The following CDYL variants were observed in gnomAD, a reference collection of about 807,000 sequenced individuals.
CDYL encodes chromodomain Y-like protein.
A neutral mutation model predicts 47.3 loss-of-function variants in CDYL; 8 were observed. The ratio of observed to expected loss-of-function variants is 0.17; its 90% CI spans 0.10 to 0.31. The LOEUF (loss-of-function observed/expected upper bound fraction) is 0.31. Ranked by LOEUF, CDYL falls within the 10% of genes least tolerant of loss-of-function variation. The probability of loss-of-function intolerance (pLI) is 1.00; values close to 1 mark genes in which losing one functional copy is unlikely to be tolerated. For missense variants in CDYL, 471 were observed against 701.4 expected, an observed-to-expected ratio of 0.67 and a Z score of 3.71; for synonymous variants, 266 against 265.0, an observed-to-expected ratio of 1.00 and a Z score of -0.04.
chr6:4,794,671 G>C (rs866732026), intron 1 of CDYL, among the ~76,000 whole-genome samples: 2 of 152,302 alleles, frequency 1.3e-5, no homozygotes, highest in South Asian at 2.1e-4. Context: ...AGAGCATGGG[G>C]TGCATGTCCC....
chr6:4,778,506 T>A (rs910834142), intron 1 of CDYL, among the ~76,000 whole-genome samples: 1 of 152,208 alleles, frequency 6.6e-6, no homozygotes, highest in South Asian at 2.1e-4. Context: ...AAGTTTGTGT[T>A]CATTTAACGT....
At chr6:4,884,582 C>G (rs1049991976) in intron 1 of CDYL, among the ~76,000 whole-genome samples, 1 of 152,126 alleles carries the variant, frequency 6.6e-6, no homozygotes, top group African/African-American at 2.4e-5. Flanking sequence ...AGAGTGAGCG[C>G]ATTTGTGGTG....
At chr6:4,936,397 A>G (rs780129603) in intron 3 of CDYL, among the ~76,000 whole-genome samples, 48 of 152,284 alleles carry the variant, frequency 3.2e-4, no homozygotes, top group Non-Finnish European at 6.0e-4. Flanking sequence ...AACCTAACCT[A>G]TATCTTTCCA....
chr6:4,909,064 G>A (rs536080653), intron 2 of CDYL, among the ~76,000 whole-genome samples: 1 of 152,322 alleles, frequency 6.6e-6, no homozygotes, highest in East Asian at 1.9e-4. Flanking sequence ...GCCTTGGGGG[G>A]CCCCAGGTCA....
intron 1 of CDYL, among the ~76,000 whole-genome samples, chr6:4,794,071 T>TG: frequency 6.6e-6 from 1 of 152,220 alleles, no homozygotes. Flanking sequence ...GAGTTATCCA[T>TG]GTAGTACACT....
Position 4,769,965 on chromosome 6 carries a change from T to TTGTGTGTGTG in CDYL, c.186+35157_186+35166dup, listed in dbSNP as rs58041362. On this transcript the variant is annotated intron_variant, in intron 3 of 8. Coordinates refer to the CDYL transcript ENST00000328908. Reference sequence around the variant, plus strand: ...GCGACCGCCACCACGCCCGGCTAATTTGTGTGTGTGTGTGTGTGTGTGTGT... The same window carrying TTGTGTGTGTG: ...GCGACCGCCACCACGCCCGGCTAATTTGTGTGTGTGTGTGTGTGTGTGTGTGTGTGTGTGT... 3.6e-3 allele frequency among the ~76,000 whole-genome samples: 494 copies of TTGTGTGTGTG among 137,894 alleles called. 1 individual carries two copies. Among genetic ancestry groups the TTGTGTGTGTG allele is most frequent in the African/African-American group, 7.8e-3 (285 of 36,514 alleles). 90.5% of individuals were successfully genotyped at this position (137,894 alleles called of 152,430 possible).
At chr6:4,820,093 G>A (rs1317893112) in intron 1 of CDYL, among the ~76,000 whole-genome samples, 1 of 152,182 alleles carries the variant, frequency 6.6e-6, no homozygotes, top group African/African-American at 2.4e-5. Context: ...TGTGTTCTCT[G>A]TGGTGATTCA....
At chr6:4,876,967 A>G (rs557235761) in intron 1 of CDYL, among the ~76,000 whole-genome samples, 6 of 152,336 alleles carry the variant, frequency 3.9e-5, no homozygotes, top group African/African-American at 1.4e-4. Context: ...TGTGCCCTTA[A>G]TAAAGAGGCC....
intron 5 of CDYL, among the ~76,000 whole-genome samples, chr6:4,945,034 G>A (rs574415122): frequency 4.5e-4 from 69 of 152,240 alleles, no homozygotes; most frequent in African/African-American, 1.3e-3. Context: ...CGCCAAGGTC[G>A]GAGAAGACGT....
intron 2 of CDYL, among the ~76,000 whole-genome samples, chr6:4,897,730 A>G (rs1174095667): frequency 6.8e-6 from 1 of 147,214 alleles, no homozygotes; most frequent in Non-Finnish European, 1.5e-5. Flanking sequence ...CAGCCTGGGC[A>G]ACATAGTAAG....
intron 3 of CDYL, among the ~76,000 whole-genome samples, chr6:4,753,409 T>G (rs1293674077): frequency 6.6e-6 from 1 of 152,148 alleles, no homozygotes; most frequent in African/African-American, 2.4e-5. Flanking sequence ...GGACTCTCAC[T>G]AGAGAATACA....
At chr6:4,927,783 A>G (rs1248319243) in intron 2 of CDYL, among the ~76,000 whole-genome samples, 2 of 152,218 alleles carry the variant, frequency 1.3e-5, no homozygotes, top group South Asian at 2.1e-4. Flanking sequence ...TGATAATACT[A>G]GCTTTTCGTC....
At chr6:4,851,189 C>G (rs557959222) in intron 1 of CDYL, among the ~76,000 whole-genome samples, 3 of 152,278 alleles carry the variant, frequency 2.0e-5, no homozygotes, top group African/African-American at 4.8e-5. Context: ...GAGCTCTGTG[C>G]TAGTTCTGTA....
chr6:4,829,794 T>C (rs987217270), intron 1 of CDYL, among the ~76,000 whole-genome samples: 2 of 152,242 alleles, frequency 1.3e-5, no homozygotes, highest in African/African-American at 2.4e-5. Flanking sequence ...AGAACATACC[T>C]ACACAATTAT....
At chr6:4,741,751 A>C (rs971615590) in intron 3 of CDYL, among the ~76,000 whole-genome samples, 2 of 152,164 alleles carry the variant, frequency 1.3e-5, no homozygotes, top group African/African-American at 4.8e-5. Flanking sequence ...CTGGGTGAAA[A>C]TCAGGATTTC....
At chr6:4,777,136 G>A (rs1029508912) in intron 1 of CDYL, among the ~76,000 whole-genome samples, 2 of 149,810 alleles carry the variant, frequency 1.3e-5, no homozygotes, top group Non-Finnish European at 3.0e-5. Flanking sequence ...GTTGCCGCTC[G>A]GCGGGGACCG....
chr6:4,845,724 T>C (rs1003781658), intron 1 of CDYL, among the ~76,000 whole-genome samples: 7 of 152,242 alleles, frequency 4.6e-5, no homozygotes, highest in Non-Finnish European at 7.3e-5. Context: ...TTATGGAGAC[T>C]GAAATATGAA....
At chr6:4,872,151 A>C (rs1761493816) in intron 1 of CDYL, among the ~76,000 whole-genome samples, 3 of 152,082 alleles carry the variant, frequency 2.0e-5, no homozygotes, top group African/African-American at 7.2e-5. Flanking sequence ...TGGTGGAAAT[A>C]CTCATTCTTG....
At chr6:4,854,239 C>A (rs1289650347) in intron 1 of CDYL, among the ~76,000 whole-genome samples, 3 of 152,216 alleles carry the variant, frequency 2.0e-5, no homozygotes, top group African/African-American at 7.2e-5. Flanking sequence ...GGAATTGTCG[C>A]TTAGATTCTT....
Sources: allele counts gnomAD v4.1 joint callset (sites outside exome capture counted in the v4.1 genomes callset), GRCh38; gene constraint gnomAD v4.1.1; transcripts MANE v1.5; gene names NCBI Gene and HGNC (gene_info 2026-07-23, HGNC 2026-07-21).